The following CYP39A1 variants were observed in gnomAD, a reference collection of about 807,000 sequenced individuals.
CYP39A1 encodes the protein cytochrome P450 family 39 subfamily A member 1.
A neutral mutation model predicts 58.1 loss-of-function variants in CYP39A1; 49 were observed. The observed-to-expected ratio is 0.84, with a 90% confidence interval of 0.67 to 1.07. The LOEUF is 1.07. Among genes scored for constraint, CYP39A1 ranks in the 50% least tolerant of loss-of-function variants. The pLI is 0.00. For missense variants in CYP39A1, 531 were observed against 539.4 expected (o/e 0.98, Z 0.16); for synonymous variants, 209 against 187.6 (o/e 1.11, Z -0.93).
At chr6:46,615,310 T>C (rs1774460107) in intron 7 of CYP39A1, among the ~76,000 whole-genome samples, 1 of 151,712 alleles carries the variant, frequency 6.6e-6, no homozygotes, top group African/African-American at 2.4e-5. Context: ...TATACCTTTT[T>C]ATAAACATAA....
At chr6:46,627,356 T>A (rs1395079150) in intron 6 of CYP39A1, among the ~76,000 whole-genome samples, 2 of 152,244 alleles carry the variant, frequency 1.3e-5, no homozygotes, top group Non-Finnish European at 2.9e-5. Context: ...AATTGGATAC[T>A]ACTTTTTAAA....
intron 10 of CYP39A1, among the ~76,000 whole-genome samples, chr6:46,557,600 G>A (rs1198788172): frequency 1.3e-5 from 2 of 149,798 alleles, no homozygotes; most frequent in Admixed American, 6.7e-5. Context: ...CCAAGATTGT[G>A]CCACTACACT....
chr6:46,594,698 T>C (rs1178592090), intron 8 of CYP39A1, among the ~76,000 whole-genome samples: 1 of 151,912 alleles, frequency 6.6e-6, no homozygotes. Context: ...CCTGAAACTG[T>C]AAACTACCAG....
intron 6 of CYP39A1, among the ~76,000 whole-genome samples, chr6:46,627,981 G>A (rs1305069837): frequency 1.3e-5 from 2 of 152,266 alleles, no homozygotes; most frequent in Non-Finnish European, 1.5e-5. Context: ...AGAAGAAGAA[G>A]GGCCACTCAG....
At chr6:46,640,468 G>A (rs1776259318) in intron 2 of CYP39A1, among the ~76,000 whole-genome samples, 1 of 152,082 alleles carries the variant, frequency 6.6e-6, no homozygotes. Flanking sequence ...ATAGCTTTGA[G>A]CCCACTATTT....
At chr6:46,604,807 C>T (rs570620519) in intron 7 of CYP39A1, among the ~76,000 whole-genome samples, 2 of 152,032 alleles carry the variant, frequency 1.3e-5, no homozygotes, top group South Asian at 4.2e-4. Context: ...AGAAAATATA[C>T]CAGGAATGAT....
chr6:46,583,717 G>A (rs1772291300), intron 10 of CYP39A1: 3 of 386,440 alleles, frequency 7.8e-6, no homozygotes, highest in Non-Finnish European at 1.1e-5. Flanking sequence ...GAACCCCCAC[G>A]AATACGAAGA....
chr6:46,599,535 T>A (rs1773365682), intron 7 of CYP39A1, among the ~76,000 whole-genome samples: 2 of 152,070 alleles, frequency 1.3e-5, no homozygotes, highest in African/African-American at 4.8e-5. Context: ...TCCAAGGGTG[T>A]TCCACTGAGG....
At chr6:46,599,057 C>T (rs1307759170) in intron 7 of CYP39A1, among the ~76,000 whole-genome samples, 1 of 152,070 alleles carries the variant, frequency 6.6e-6, no homozygotes, top group Non-Finnish European at 1.5e-5. Flanking sequence ...TAGAGATTGG[C>T]GTGTGGGGTT....
intron 11 of CYP39A1, among the ~76,000 whole-genome samples, chr6:46,550,806 G>C (rs1322430964): frequency 6.6e-6 from 1 of 152,132 alleles, no homozygotes; most frequent in Admixed American, 6.5e-5. Context: ...TCTCCATACT[G>C]CAGGTTACAG....
intron 2 of CYP39A1, among the ~76,000 whole-genome samples, chr6:46,640,136 A>T (rs891407870): frequency 6.6e-6 from 1 of 152,132 alleles, no homozygotes; most frequent in Non-Finnish European, 1.5e-5. Context: ...AAAAGATTCA[A>T]CGTATTCTGT....
rs1354869533 is a variant in CYP39A1 at position 46,587,170 on chromosome 6, G to T, written c.1162-5C>A. The T allele has an allele frequency of 7.5e-6, 12 of 1,592,174 alleles. No individual in the cohort carries two copies. Among genetic ancestry groups the T allele is most frequent in the Non-Finnish European group, 9.5e-6 (11 of 1,163,768 alleles). ...ATTTGCCTTTTTCCAACGTTCCTGT[G>T]GGAAGAAAACATTTTTTTTTCCAAA... On this transcript the variant is annotated splice_polypyrimidine_tract_variant and splice_region_variant and intron_variant, in intron 9 of 11. Transcript: ENST00000275016.
chr6:46,569,367 T>C (rs1375160033), intron 10 of CYP39A1, among the ~76,000 whole-genome samples: 1 of 152,076 alleles, frequency 6.6e-6, no homozygotes, highest in African/African-American at 2.4e-5. Context: ...CTTTTATTTC[T>C]TTTTTTGCCT....
intron 7 of CYP39A1, among the ~76,000 whole-genome samples, chr6:46,602,925 G>GT (rs202062660): frequency 8.7e-5 from 12 of 137,774 alleles, no homozygotes; most frequent in Middle Eastern, 3.5e-3. Flanking sequence ...ATATAAAATG[G>GT]GGGGGGGGAG....
intron 10 of CYP39A1, among the ~76,000 whole-genome samples, chr6:46,558,091 T>C (rs1299477482): frequency 6.6e-6 from 1 of 151,824 alleles, no homozygotes; most frequent in Non-Finnish European, 1.5e-5. Flanking sequence ...AAAGTTAACA[T>C]AGACTTTTCA....
intron 10 of CYP39A1, among the ~76,000 whole-genome samples, chr6:46,575,658 T>C (rs774977652): frequency 6.6e-6 from 1 of 152,198 alleles, no homozygotes; most frequent in Non-Finnish European, 1.5e-5. Context: ...CAGAGCACTT[T>C]TGCCAGAAGC....
At position 46,615,046 on chromosome 6, in the gene CYP39A1, C is replaced by A. The variant is rs150854308; in HGVS notation, c.931+10372G>T. On this transcript the variant is annotated intron_variant, in intron 7 of 11. Transcript: ENST00000275016. ...GATTCAAAGTCTTGGGTTGGTAGAT[C>A]TGAATGGCAAAGTCTTATTTTCATG... Among the ~76,000 whole-genome samples, 314 of 152,158 alleles carry A rather than the reference C, an allele frequency of 2.1e-3. 2 individuals carry two copies. The highest frequency in any genetic ancestry group is 7.4e-3 in the African/African-American group (308 of 41,498).
chr6:46,625,306 G>T, intron 7 of CYP39A1, 112 bp downstream of exon 7: 1 of 700,342 alleles, frequency 1.4e-6, no homozygotes, highest in South Asian at 2.8e-5. Flanking sequence ...AAATTATGTT[G>T]AATTTTGGAT....
At chr6:46,585,322 T>TATAG (rs3837039) in intron 10 of CYP39A1, among the ~76,000 whole-genome samples, 30,155 of 149,748 alleles carry the variant, frequency 0.2, 3,189 homozygotes, top group East Asian at 0.29. Context: ...TTGCTATTGG[T>TATAG]ATAGATAGAT....
Sources: gnomAD v4.1 joint callset for allele counts (sites outside exome capture counted in the v4.1 genomes callset) on GRCh38, gnomAD v4.1.1 for gene constraint, MANE v1.5 for transcripts, NCBI Gene and HGNC (gene_info 2026-07-23, HGNC 2026-07-21) for gene names.